PFKFB3: variants seen among roughly 807,000 people sequenced by gnomAD.
PFKFB3 encodes the protein 6-phosphofructo-2-kinase/fructose-2,6-biphosphatase 3, also known as 6-phosphofructo-2-kinase/fructose-2,6-bisphosphatase 3.
In PFKFB3, 33 loss-of-function variants were observed where a neutral mutation model predicts 68.0. That is an observed-to-expected ratio of 0.49 (90% CI 0.37 to 0.65). PFKFB3 has a LOEUF of 0.65. PFKFB3 is among the 30% of genes least tolerant of loss of function. PFKFB3 has a pLI of 0.00. For synonymous variants in PFKFB3, 315 were observed against 288.2 expected, an observed-to-expected ratio of 1.09 and a Z score of -0.94; for missense variants, 586 against 712.2, an observed-to-expected ratio of 0.82 and a Z score of 2.02.
At chr10:6,182,109 A>G in intron 1 of PFKFB3, among the ~76,000 whole-genome samples, 1 of 152,188 alleles carries the variant, frequency 6.6e-6, no homozygotes, top group South Asian at 2.1e-4. Flanking sequence ...AAAAGATAAG[A>G]GTTGGAGCTG....
At chr10:6,165,089 A>G (rs894373242) in intron 1 of PFKFB3, among the ~76,000 whole-genome samples, 3 of 152,112 alleles carry the variant, frequency 2.0e-5, no homozygotes, top group Admixed American at 2.0e-4. Context: ...CCAGGAGGCC[A>G]TATCTCAGGC....
chr10:6,185,797 G>A (rs1325768842), intron 1 of PFKFB3, among the ~76,000 whole-genome samples: 3 of 152,044 alleles, frequency 2.0e-5, no homozygotes, highest in African/African-American at 7.2e-5. Flanking sequence ...CCACCACCAC[G>A]CCCAGCTAAT....
intron 1 of PFKFB3, among the ~76,000 whole-genome samples, chr10:6,177,410 TCTTTCTCTTTCTTCCTTTCTTTTCTTTC>T (rs1564599709): frequency 1.2e-4 from 15 of 122,926 alleles, no homozygotes; most frequent in East Asian, 2.8e-4. Context: ...CTTTCTTTCT[TCTTTCTCTTTCTTCCTTTCTTTTCTTTC>T]TCTTTCTTTC....
chr10:6,240,518 C>G (rs1389630238), downstream of PFKFB3, among the ~76,000 whole-genome samples: 1 of 152,136 alleles, frequency 6.6e-6, no homozygotes, highest in African/African-American at 2.4e-5. Flanking sequence ...CCCGCCTCAG[C>G]CTCACAATGT....
chr10:6,324,650 G>A, the PFKFB3 span, among the ~76,000 whole-genome samples: 2 of 151,900 alleles, frequency 1.3e-5, no homozygotes, highest in Non-Finnish European at 2.9e-5. Context: ...GGCTGGTCTC[G>A]AACTCCCGAC....
At chr10:6,269,711 G>A in the PFKFB3 span, among the ~76,000 whole-genome samples, 1 of 152,228 alleles carries the variant, frequency 6.6e-6, no homozygotes, top group Admixed American at 6.5e-5. Context: ...ACATTAAATG[G>A]CTCATATTTC....
chr10:6,176,630 C>T (rs926451987), intron 1 of PFKFB3, among the ~76,000 whole-genome samples: 4 of 152,220 alleles, frequency 2.6e-5, no homozygotes, highest in African/African-American at 9.6e-5. Context: ...AAGCAATCCT[C>T]CTGCCTTGGC....
chr10:6,159,879 C>T (rs1268722113), intron 1 of PFKFB3, among the ~76,000 whole-genome samples: 2 of 151,694 alleles, frequency 1.3e-5, no homozygotes, highest in Non-Finnish European at 2.9e-5. Context: ...CCACCTCAGC[C>T]TCCCCAGTTG....
chr10:6,237,156 C>G (rs1846032678), downstream of PFKFB3, among the ~76,000 whole-genome samples: 3 of 152,262 alleles, frequency 2.0e-5, no homozygotes, highest in African/African-American at 7.2e-5. Flanking sequence ...CTCCCCATCC[C>G]CATTCAGTTA....
intron 7 of PFKFB3, among the ~76,000 whole-genome samples, chr10:6,219,916 GA>G (rs1844836905): frequency 6.6e-6 from 1 of 151,928 alleles, no homozygotes; most frequent in African/African-American, 2.4e-5. Context: ...AACTCTCTTT[GA>G]AAATATCTTT....
downstream of PFKFB3, among the ~76,000 whole-genome samples, chr10:6,239,605 T>G (rs907602822): frequency 9.9e-5 from 15 of 152,210 alleles, no homozygotes; most frequent in African/African-American, 3.1e-4. Flanking sequence ...TAAGGCTATG[T>G]GTTTTTCCCT....
intron 13 of PFKFB3, 115 bp from the exon 14 acceptor site, chr10:6,226,077 C>T (rs76223857): frequency 5.9e-5 from 55 of 925,284 alleles, no homozygotes; most frequent in Admixed American, 2.2e-4. Context: ...CCACTCCCCT[C>T]GGTCAGTCTT....
At chr10:6,302,749 TACACACAC>T in the PFKFB3 span, among the ~76,000 whole-genome samples, 603 of 145,814 alleles carry the variant, frequency 4.1e-3, 1 homozygote, top group African/African-American at 0.011. Flanking sequence ...TGTGTGTGTA[TACACACAC>T]ACACACACAC....
the PFKFB3 span, among the ~76,000 whole-genome samples, chr10:6,321,713 AT>A: frequency 6.6e-6 from 1 of 152,168 alleles, no homozygotes; most frequent in Non-Finnish European, 1.5e-5. Flanking sequence ...TTTCTTTGTG[AT>A]TGGACTGAAC....
Position 6,232,955 on chromosome 10 carries a change from G to T in PFKFB3, c.*13G>T, listed in dbSNP as rs193259523. 6.2e-7 allele frequency: 1 copy of T among 1,605,686 alleles called. No individual in the cohort carries two copies. ...CAGGAAACACTGAGGCAGACGTGTC[G>T]GTTCCATTCCATTTCCATTTCTGCA... is the stretch of plus-strand genomic sequence containing the variant. On this transcript the variant is annotated 3_prime_UTR_variant, in exon 15 of 15. Coordinates refer to ENST00000379775, the MANE Select transcript of PFKFB3 (RefSeq NM_004566.4).
chr10:6,253,144 T>G (rs1226664642), intron 14 of PFKFB3, among the ~76,000 whole-genome samples: 1 of 152,108 alleles, frequency 6.6e-6, no homozygotes, highest in East Asian at 1.9e-4. Context: ...GGTCTTGAAC[T>G]CCTGACCTTG....
At chr10:6,304,435 A>G in the PFKFB3 span, among the ~76,000 whole-genome samples, 1 of 151,056 alleles carries the variant, frequency 6.6e-6, no homozygotes, top group Non-Finnish European at 1.5e-5. Context: ...CCTATATGCC[A>G]GTCCAGCCAT....
At position 6,177,468 on chromosome 10, in the gene PFKFB3, C is replaced by CTT. The variant is rs1842551791; in HGVS notation, c.16+32457_16+32458dup. Among the ~76,000 whole-genome samples, 6 of 120,738 alleles carry CTT rather than the reference C, an allele frequency of 5.0e-5. No homozygotes were observed. The South Asian group carries it at 1.6e-3, about 31-fold the overall frequency. 79.2% of individuals were successfully genotyped at this position (120,738 alleles called of 152,430 possible). On this transcript the variant is annotated intron_variant, in intron 1 of 14. Coordinates refer to the PFKFB3 transcript ENST00000379789. ...TCTTTCTTTCTTTCTTTCTTTCTTT[C>CTT]TTTCTTTCTTTCTTTCTTTTTCTTT...
chr10:6,270,894 C>T, the PFKFB3 span, among the ~76,000 whole-genome samples: 1 of 152,180 alleles, frequency 6.6e-6, no homozygotes, highest in Admixed American at 6.5e-5. Flanking sequence ...ATCTAGCCCC[C>T]TGCCTGGGAT....
Sources: gnomAD v4.1 joint callset for allele counts (sites outside exome capture counted in the v4.1 genomes callset) on GRCh38, gnomAD v4.1.1 for gene constraint, MANE v1.5 for transcripts, NCBI Gene and HGNC (gene_info 2026-07-23, HGNC 2026-07-21) for gene names.